The following RPS6KC1 variants were observed in gnomAD, a reference collection of about 807,000 sequenced individuals.
The protein encoded by RPS6KC1 is ribosomal protein S6 kinase C1, also known as inactive ribosomal protein S6 kinase delta-1.
Under a neutral mutation model 103.8 loss-of-function variants are expected in RPS6KC1, and 54 were observed. The observed-to-expected ratio is 0.52, with a 90% CI of 0.42 to 0.65. RPS6KC1 has a LOEUF of 0.65. RPS6KC1 is among the 30% of genes least tolerant of loss of function. The pLI is 0.00. For missense variants in RPS6KC1, 1,151 were observed against 1,253.8 expected (o/e 0.92, Z 1.24); for synonymous variants, 439 against 438.7 (o/e 1.00, Z -0.01).
At chr1:213,248,025 C>G (rs2094482146) in intron 12 of RPS6KC1, among the ~76,000 whole-genome samples, 1 of 152,010 alleles carries the variant, frequency 6.6e-6, no homozygotes, top group Non-Finnish European at 1.5e-5. Flanking sequence ...TCAAGATTCT[C>G]AACAAACAAA....
intron 4 of RPS6KC1, among the ~76,000 whole-genome samples, chr1:213,115,753 G>T (rs960475890): frequency 1.3e-5 from 2 of 152,108 alleles, no homozygotes; most frequent in African/African-American, 4.8e-5. Flanking sequence ...GGTATGTTGT[G>T]TCTTTGTTCT....
chr1:213,125,134 A>AT (rs1250562838), intron 5 of RPS6KC1, among the ~76,000 whole-genome samples: 1 of 152,142 alleles, frequency 6.6e-6, no homozygotes. Flanking sequence ...CACAAAGTAT[A>AT]TTATTAAATT....
the RPS6KC1 span, among the ~76,000 whole-genome samples, chr1:213,430,896 A>T: frequency 6.6e-6 from 1 of 152,258 alleles, no homozygotes; most frequent in Non-Finnish European, 1.5e-5. Flanking sequence ...ATATTTCAAG[A>T]GGCACAAATG....
the RPS6KC1 span, among the ~76,000 whole-genome samples, chr1:213,580,120 C>G: frequency 6.6e-6 from 1 of 152,048 alleles, no homozygotes; most frequent in Non-Finnish European, 1.5e-5. Context: ...TAAAAACCTC[C>G]TGGAAAGGAT....
chr1:213,345,807 T>A, the RPS6KC1 span, among the ~76,000 whole-genome samples: 1 of 152,206 alleles, frequency 6.6e-6, no homozygotes, highest in Admixed American at 6.5e-5. Context: ...ACTCTGCTCC[T>A]TGGCCTCTTG....
At chr1:213,602,132 T>TTCTTTCTTTC in the RPS6KC1 span, among the ~76,000 whole-genome samples, 17 of 66,048 alleles carry the variant, frequency 2.6e-4, no homozygotes, top group Non-Finnish European at 4.1e-4. Flanking sequence ...CTTTCTTTCT[T>TTCTTTCTTTC]TCTTTCTTTC....
the RPS6KC1 span, among the ~76,000 whole-genome samples, chr1:213,717,171 G>A: frequency 6.6e-6 from 1 of 152,118 alleles, no homozygotes; most frequent in Non-Finnish European, 1.5e-5. Flanking sequence ...ATATGAAAAT[G>A]AAAAAGGCAT....
chr1:213,808,422 G>T, the RPS6KC1 span, among the ~76,000 whole-genome samples: 3 of 152,256 alleles, frequency 2.0e-5, no homozygotes, highest in Non-Finnish European at 4.4e-5. Context: ...TTGAGCTGTG[G>T]TGGGCTCCAC....
the RPS6KC1 span, among the ~76,000 whole-genome samples, chr1:213,536,286 T>A: frequency 5.3e-5 from 8 of 152,194 alleles, no homozygotes. Context: ...ACAGCTCCCC[T>A]TTTGAAGGTT....
chr1:213,346,943 A>G, the RPS6KC1 span, among the ~76,000 whole-genome samples: 1 of 152,186 alleles, frequency 6.6e-6, no homozygotes, highest in Non-Finnish European at 1.5e-5. Context: ...GAAGTTAAGA[A>G]TAATTTTACA....
the RPS6KC1 span, among the ~76,000 whole-genome samples, chr1:213,504,783 CT>C: frequency 3.3e-5 from 5 of 152,082 alleles, no homozygotes; most frequent in Admixed American, 2.6e-4. Flanking sequence ...TTTTTTTCCC[CT>C]CTCTCTGGAA....
chr1:213,532,114 GC>G, the RPS6KC1 span, among the ~76,000 whole-genome samples: 10 of 152,176 alleles, frequency 6.6e-5, no homozygotes, highest in African/African-American at 2.2e-4. Context: ...GATGGCAATT[GC>G]CCCCTTCTGC....
chr1:213,588,287 A>G, the RPS6KC1 span, among the ~76,000 whole-genome samples: 1 of 149,006 alleles, frequency 6.7e-6, no homozygotes, highest in Non-Finnish European at 1.5e-5. Context: ...CACCCCCTAA[A>G]ACCTCTGTCT....
chr1:213,729,637 A>C, the RPS6KC1 span, among the ~76,000 whole-genome samples: 1 of 152,130 alleles, frequency 6.6e-6, no homozygotes, highest in Non-Finnish European at 1.5e-5. Flanking sequence ...CTGTGAACAG[A>C]TCATGAAGTC....
chr1:213,655,432 C>T, the RPS6KC1 span, among the ~76,000 whole-genome samples: 2 of 152,206 alleles, frequency 1.3e-5, no homozygotes, highest in African/African-American at 4.8e-5. Flanking sequence ...GTTCGGACAT[C>T]CAACATAAGA....
chr1:213,551,186 A>G, the RPS6KC1 span, among the ~76,000 whole-genome samples: 1 of 152,190 alleles, frequency 6.6e-6, no homozygotes, highest in Non-Finnish European at 1.5e-5. Context: ...TTGACTTTTT[A>G]GCATCTCCAT....
the RPS6KC1 span, among the ~76,000 whole-genome samples, chr1:213,484,804 G>C: frequency 0.015 from 2,359 of 152,286 alleles, 65 homozygotes; most frequent in African/African-American, 0.054. Flanking sequence ...CCAGGAAACT[G>C]TGACAGCAAA....
chr1:213,106,418 A>G (rs2082505422), intron 4 of RPS6KC1, among the ~76,000 whole-genome samples: 1 of 152,206 alleles, frequency 6.6e-6, no homozygotes, highest in South Asian at 2.1e-4. Flanking sequence ...CAAAAGAAAC[A>G]TGGCAGTTTT....
At chr1:213,710,469 A>T in the RPS6KC1 span, among the ~76,000 whole-genome samples, 3 of 152,118 alleles carry the variant, frequency 2.0e-5, 1 homozygote, top group Admixed American at 1.3e-4. Flanking sequence ...CTCTTTATCC[A>T]ATTTGCCACC....
Sources: gnomAD v4.1 joint callset for allele counts (sites outside exome capture counted in the v4.1 genomes callset) on GRCh38, gnomAD v4.1.1 for gene constraint, MANE v1.5 for transcripts, NCBI Gene and HGNC (gene_info 2026-07-23, HGNC 2026-07-21) for gene names.